The following CNTLN variants were observed in gnomAD, a reference collection of about 807,000 sequenced individuals.
The protein encoded by CNTLN is centlein.
In CNTLN, 212 loss-of-function variants were observed where a neutral mutation model predicts 180.0. The ratio of observed to expected loss-of-function variants is 1.18; its 90% CI spans 1.05 to 1.32. The LOEUF is 1.32. Among genes scored for constraint, CNTLN ranks in the 40% most tolerant of loss-of-function variants. The pLI is 0.00. For synonymous variants in CNTLN, 722 were observed against 563.1 expected (o/e 1.28, Z -3.99); for missense variants, 2,095 against 1,610.9 (o/e 1.30, Z -5.14).
At position 17,502,581 on chromosome 9, in the gene CNTLN, G is replaced by A; in HGVS notation, c.4150G>A (p.Val1384Ile). 7.1e-7 allele frequency: 1 copy of A among 1,409,102 alleles called. No homozygotes were observed. 87.3% of individuals were successfully genotyped at this position (1,409,102 alleles called of 1,614,324 possible). ...TTTTGCCTCATATTTACTAGAAGCA[G>A]TACTGGAAAAAATAAATGAAAAAAA... ...LPFASYLLEAVLEKINEKKKL... is the reference protein window; with the variant it reads ...LPFASYLLEAILEKINEKKKL... The change falls in exon 26 of 26, where the codon GTA becomes ATA. Residue 1384 changes from valine to isoleucine, a missense_variant. Coordinates refer to ENST00000380647, the MANE Select transcript of CNTLN (RefSeq NM_017738.4).
intron 6 of CNTLN, among the ~76,000 whole-genome samples, chr9:17,279,952 G>C (rs1828563688): frequency 6.7e-6 from 1 of 150,336 alleles, no homozygotes; most frequent in African/African-American, 2.5e-5. Flanking sequence ...ACCTGAGCTA[G>C]TATGCTCAGC....
intron 5 of CNTLN, among the ~76,000 whole-genome samples, chr9:17,261,062 C>G (rs543192042): frequency 6.6e-6 from 1 of 151,408 alleles, no homozygotes; most frequent in South Asian, 2.1e-4. Context: ...TAGTACCATG[C>G]TATTTTGGTT....
At chr9:17,374,248 C>T (rs1430379986) in intron 13 of CNTLN, among the ~76,000 whole-genome samples, 1 of 152,012 alleles carries the variant, frequency 6.6e-6, no homozygotes, top group African/African-American at 2.4e-5. Context: ...AATATATAAG[C>T]AGCTAAAAAC....
At chr9:17,468,800 TA>T (rs1297004773) in intron 23 of CNTLN, among the ~76,000 whole-genome samples, 2 of 151,742 alleles carry the variant, frequency 1.3e-5, no homozygotes, top group African/African-American at 4.8e-5. Flanking sequence ...TCCAATGATA[TA>T]AATAGTATTT....
chr9:17,440,588 C>CAAAAAAAAAAAAAAAAAAAAAA lies in CNTLN; in HGVS notation c.3115-16922_3115-16921insAAAAAAAAAAAAAAAAAAAAAA, dbSNP rs35350865. The stretch of plus-strand genomic sequence containing the variant: ...TGGGCGACGGAGCGAGACTCCGTCT[C>CAAAAAAAAAAAAAAAAAAAAAA]AAAAAAAAAAAAAAGAACTGAAAAC... On this transcript the variant is annotated intron_variant, in intron 18 of 25. Transcript: ENST00000380647. Among the ~76,000 whole-genome samples the CAAAAAAAAAAAAAAAAAAAAAA allele has an allele frequency of 1.8e-4, 21 of 114,626 alleles. 1 individual carries two copies. The highest frequency in any genetic ancestry group is 7.6e-4 in the African/African-American group (21 of 27,690). 75.2% of individuals were successfully genotyped at this position (114,626 alleles called of 152,430 possible).
intron 10 of CNTLN, 57 bp downstream of exon 10, chr9:17,332,787 G>T: frequency 7.1e-7 from 1 of 1,408,502 alleles, no homozygotes; most frequent in Non-Finnish European, 9.5e-7. Flanking sequence ...ATATACCAAA[G>T]TAAACATACA....
intron 13 of CNTLN, among the ~76,000 whole-genome samples, chr9:17,385,538 C>G (rs1158375604): frequency 6.6e-6 from 1 of 152,078 alleles, no homozygotes; most frequent in Non-Finnish European, 1.5e-5. Flanking sequence ...TCCTATTACT[C>G]AAGAAATTCC....
intron 18 of CNTLN, among the ~76,000 whole-genome samples, chr9:17,420,193 C>T (rs1828605133): frequency 6.6e-6 from 1 of 152,094 alleles, no homozygotes; most frequent in Admixed American, 6.6e-5. Flanking sequence ...GCCATTGGGT[C>T]CTGGGCTTTT....
chr9:17,387,244 C>T (rs7027292), intron 13 of CNTLN, among the ~76,000 whole-genome samples: 123,776 of 152,118 alleles, frequency 0.81, 50,913 homozygotes, highest in Non-Finnish European at 0.87. Flanking sequence ...CACTGACCTA[C>T]AGCAGCCAAG....
chr9:17,142,831 G>C (rs774182244), intron 1 of CNTLN, among the ~76,000 whole-genome samples: 2 of 152,160 alleles, frequency 1.3e-5, no homozygotes. Flanking sequence ...ACTACCCATT[G>C]TCCTTTGGAT....
At chr9:17,440,264 G>A (rs1830023569) in intron 18 of CNTLN, among the ~76,000 whole-genome samples, 1 of 151,890 alleles carries the variant, frequency 6.6e-6, no homozygotes, top group East Asian at 1.9e-4. Context: ...TCCACTCCCA[G>A]GTATACATTT....
At chr9:17,170,855 A>C (rs912838862) in intron 2 of CNTLN, among the ~76,000 whole-genome samples, 1 of 151,962 alleles carries the variant, frequency 6.6e-6, no homozygotes, top group Non-Finnish European at 1.5e-5. Flanking sequence ...CCGTATTTTT[A>C]CTGTACTTTT....
At chr9:17,490,843 C>T (rs561174692) in intron 25 of CNTLN, among the ~76,000 whole-genome samples, 1 of 151,882 alleles carries the variant, frequency 6.6e-6, no homozygotes, top group South Asian at 2.1e-4. Context: ...GTGTGTTGTG[C>T]CCCCCACCAA....
intron 19 of CNTLN, among the ~76,000 whole-genome samples, 200 bp downstream of exon 19, chr9:17,457,915 G>A (rs1186390647): frequency 6.6e-6 from 1 of 151,860 alleles, no homozygotes; most frequent in Non-Finnish European, 1.5e-5. Context: ...CTCTGAAAAA[G>A]ACAAGATACC....
At chr9:17,252,055 G>A (rs1459204167) in intron 5 of CNTLN, among the ~76,000 whole-genome samples, 7 of 151,704 alleles carry the variant, frequency 4.6e-5, no homozygotes, top group African/African-American at 1.7e-4. Flanking sequence ...TACTTCAAAT[G>A]GTATGATTTC....
At chr9:17,238,167 A>C (rs1825269824) in intron 5 of CNTLN, among the ~76,000 whole-genome samples, 1 of 152,072 alleles carries the variant, frequency 6.6e-6, no homozygotes. Flanking sequence ...TTTGGATACT[A>C]ATACTTCATA....
At position 17,487,233 on chromosome 9, in the gene CNTLN, T is replaced by G. The variant is rs935129855; in HGVS notation, c.4119+167T>G. ...GGAAAGTTAACCCTCTATTTGTACT[T>G]TGGGACTTAACAAATGAAACAAATA... On this transcript the variant is annotated intron_variant, in intron 25 of 25. Coordinates refer to ENST00000380647, the MANE Select transcript of CNTLN (RefSeq NM_017738.4). 4.7e-5 allele frequency: 29 copies of G among 615,556 alleles called. No homozygotes were observed. The African/African-American group carries it at 5.3e-4, about 11-fold the overall frequency. 38.1% of individuals were successfully genotyped at this position (615,556 alleles called of 1,614,324 possible).
At chr9:17,497,866 A>G (rs1454648188) in intron 25 of CNTLN, among the ~76,000 whole-genome samples, 1 of 152,154 alleles carries the variant, frequency 6.6e-6, no homozygotes, top group East Asian at 1.9e-4. Context: ...AACGACGCAG[A>G]TTTGTGTGTG....
At chr9:17,271,389 G>A (rs868497088) in intron 5 of CNTLN, among the ~76,000 whole-genome samples, 1 of 152,108 alleles carries the variant, frequency 6.6e-6, no homozygotes, top group South Asian at 2.1e-4. Context: ...GTACTAAGGG[G>A]TGCATTTTCC....
Sources: allele counts gnomAD v4.1 joint callset (sites outside exome capture counted in the v4.1 genomes callset), GRCh38; gene constraint gnomAD v4.1.1; transcripts MANE v1.5; gene names NCBI Gene and HGNC (gene_info 2026-07-23, HGNC 2026-07-21).